GJA5: variants seen among roughly 807,000 people sequenced by gnomAD.
GJA5 encodes the protein gap junction protein alpha 5, also known as gap junction alpha-5 protein.
In GJA5, 3 loss-of-function variants were observed where a neutral mutation model predicts 7.9. The observed-to-expected ratio is 0.38, with a 90% CI of 0.17 to 0.99. The LOEUF (loss-of-function observed/expected upper bound fraction) is 0.99. GJA5 is among the 50% of genes least tolerant of loss of function. The probability of loss-of-function intolerance (pLI) is 0.38; values close to 1 mark genes in which losing one functional copy is unlikely to be tolerated. For missense variants in GJA5, 390 were observed against 457.9 expected, an observed-to-expected ratio of 0.85 and a Z score of 1.35; for synonymous variants, 193 against 181.0, an observed-to-expected ratio of 1.07 and a Z score of -0.53.
rs1663805418 is a variant in GJA5, at chr1:147,758,001, G to T, written c.*161C>A. Reference sequence around the variant, plus strand: ...ACCTCTCTTACTATCCCAGAGCCCTGGTTATAGTTTCTAGAATTAATGAGC... The same window carrying T: ...ACCTCTCTTACTATCCCAGAGCCCTTGTTATAGTTTCTAGAATTAATGAGC... On this transcript the variant is annotated 3_prime_UTR_variant, in exon 2 of 2. Transcript: ENST00000579774. 1.5e-6 allele frequency: 1 copy of T among 649,318 alleles called. No individual in the cohort carries two copies. The highest frequency in any genetic ancestry group is 2.7e-6 in the Non-Finnish European group (1 of 365,206). The allele number at this position is 649,318 out of a possible 1,614,324, so 40.2% of individuals were successfully genotyped here.
At position 147,768,817 on chromosome 1, in the gene GJA5, G is replaced by A. The variant is rs142237017; in HGVS notation, c.-34+4435C>T. On this transcript the variant is annotated intron_variant, in intron 1 of 1. Transcript: ENST00000430508. Reference sequence around the variant, plus strand: ...ACTGAGGCTCAGAGGCTAAGTACTTGTACTAAGTGCCACAACTGGCAAATG... The same window carrying A: ...ACTGAGGCTCAGAGGCTAAGTACTTATACTAAGTGCCACAACTGGCAAATG... 1.4e-4 allele frequency among the ~76,000 whole-genome samples: 22 copies of A among 152,302 alleles called. No homozygotes were observed. In the East Asian group the frequency reaches 3.9e-3, roughly 27 times the overall value.
chr1:147,761,111 T>A (rs967268069), upstream of GJA5, among the ~76,000 whole-genome samples: 1 of 152,150 alleles, frequency 6.6e-6, no homozygotes, highest in African/African-American at 2.4e-5. Flanking sequence ...CTCTTGAGGC[T>A]CCCTACCTCC....
Position 147,758,124 on chromosome 1 carries a change from T to G in GJA5, c.*38A>C. On this transcript the variant is annotated 3_prime_UTR_variant, in exon 2 of 2. Transcript: ENST00000579774. ...CACGTCTTTCCTCTCTGAGCCTCCT[T>G]TGTTCCCACCTGGTCCTGATCCTCC... 1 of 1,383,232 alleles carries G rather than the reference T, an allele frequency of 7.2e-7. No homozygotes were observed. Among genetic ancestry groups the G allele is most frequent in the Non-Finnish European group, 1.0e-6 (1 of 969,234 alleles). 85.7% of individuals were successfully genotyped at this position (1,383,232 alleles called of 1,614,324 possible).
At chr1:147,761,216 G>C (rs1420870772), upstream of GJA5, among the ~76,000 whole-genome samples, 1 of 152,204 alleles carries the variant, frequency 6.6e-6, no homozygotes, top group Non-Finnish European at 1.5e-5. Flanking sequence ...AGGGAATGGA[G>C]CATAAATATT....
chr1:147,764,071 A>G (rs1557947015), upstream of GJA5, among the ~76,000 whole-genome samples: 1 of 152,108 alleles, frequency 6.6e-6, no homozygotes, highest in Non-Finnish European at 1.5e-5. Context: ...TTGGCCTCCC[A>G]AAGTGCTGGG....
In GJA5 at chr1:147,758,245, G is replaced by A. The variant is rs782175029; in HGVS notation, c.994C>T (p.Arg332Cys). ...TCACTATGATAGCCATGGGGAAGGCGGTGACCTGGTGAGACTCCATTGGGC... is the reference window on the plus strand; with the variant it reads ...TCACTATGATAGCCATGGGGAAGGCAGTGACCTGGTGAGACTCCATTGGGC... The part of the protein sequence containing the change: ...EVPNGVSPGH[R>C]LPHGYHSDKR... The change falls in exon 2 of 2, where the codon CGC becomes TGC. Residue 332 changes from arginine (R) to cysteine (C), a missense_variant. Arg to Cys is a radical substitution (Grantham distance 180). This residue lies in a region of GJA5 where 354 missense variants were observed against 370.9 expected (regional missense o/e 0.95). Transcript: ENST00000579774. 9 of 1,614,126 alleles carry A rather than the reference G, an allele frequency of 5.6e-6. No homozygotes were observed. The East Asian group carries it at 8.9e-5, about 16-fold the overall frequency.
chr1:147,759,005 C>A lies in GJA5; in HGVS notation c.234G>T (p.Trp78Cys). 6.2e-7 allele frequency: 1 copy of A among 1,614,174 alleles called. No individual in the cohort carries two copies. Among genetic ancestry groups the A allele is most frequent in the Non-Finnish European group, 8.5e-7 (1 of 1,180,016 alleles). ...QAFPISHIRY[W>C]VLQIIFVSTP... ...TGGAGACGAAGATGATCTGCAGCAC[C>A]CAGTAGCGAATGTGGGAGATGGGGA... The change falls in exon 2 of 2, where the codon TGG becomes TGT. Residue 78 changes from tryptophan (W) to cysteine (C), a missense_variant. By Grantham distance (215) the Trp-to-Cys change is radical. This residue lies in a region of GJA5 where 354 missense variants were observed against 370.9 expected (regional missense o/e 0.95). Coordinates refer to ENST00000579774, the MANE Select transcript of GJA5 (RefSeq NM_181703.4).
chr1:147,759,931 T>C (rs1318066558), intron 1 of GJA5, among the ~76,000 whole-genome samples: 2 of 152,062 alleles, frequency 1.3e-5, no homozygotes, highest in African/African-American at 2.4e-5. Context: ...AGAGTGAGGA[T>C]GGGATTGGCA....
chr1:147,771,209 C>T (rs1343470871), intron 1 of GJA5, among the ~76,000 whole-genome samples: 4 of 152,110 alleles, frequency 2.6e-5, no homozygotes, highest in Admixed American at 6.5e-5. Context: ...CTGTGCCCCA[C>T]GAACAGCCAG....
At chr1:147,766,226 A>G (rs1664197605) in intron 1 of GJA5, among the ~76,000 whole-genome samples, 1 of 152,008 alleles carries the variant, frequency 6.6e-6, no homozygotes, top group South Asian at 2.1e-4. Flanking sequence ...TCATCATTGT[A>G]TTATCCTCCT....
chr1:147,766,383 A>T (rs1664203116), intron 1 of GJA5, among the ~76,000 whole-genome samples: 1 of 152,170 alleles, frequency 6.6e-6, no homozygotes, highest in South Asian at 2.1e-4. Context: ...GCAATTATTT[A>T]CCGGTTGCTG....
chr1:147,763,751 T>C (rs1207027057), upstream of GJA5, among the ~76,000 whole-genome samples: 1 of 152,228 alleles, frequency 6.6e-6, no homozygotes, highest in Non-Finnish European at 1.5e-5. Flanking sequence ...TTTTATTTCA[T>C]GTACTGTATG....
rs782546377 is a variant in GJA5 at position 147,758,892 on chromosome 1, T to G, written c.347A>C (p.Glu116Ala). The G allele has an allele frequency of 1.9e-6, 3 of 1,614,206 alleles. No homozygotes were observed. The highest frequency in any genetic ancestry group is 2.5e-6 in the Non-Finnish European group (3 of 1,180,020). The change falls in exon 2 of 2, where the codon GAG (glutamate) becomes GCG (alanine). Residue 116 changes from glutamate to alanine, a missense_variant. Transcript: ENST00000579774. The stretch of plus-strand genomic sequence containing the variant: ...CTCGTAAGAGCCAGAGCCCCGGACC[T>G]CTTTGGCCCTCTCGGCCTCCCGTAG... ...RKLREAERAK[E>A]VRGSGSYEYP...
At chr1:147,769,153 C>T (rs140139625) in intron 1 of GJA5, among the ~76,000 whole-genome samples, 21 of 152,358 alleles carry the variant, frequency 1.4e-4, no homozygotes, top group African/African-American at 4.1e-4. Context: ...CCAGACTCTT[C>T]GGCCTCTGCC....
At chr1:147,768,633 T>G (rs975022807) in intron 1 of GJA5, among the ~76,000 whole-genome samples, 26 of 152,340 alleles carry the variant, frequency 1.7e-4, no homozygotes, top group African/African-American at 6.3e-4. Context: ...AACTCCTTAT[T>G]TTTAAACAAG....
rs1166031226 is a variant in GJA5 at position 147,773,109 on chromosome 1, A to T, written c.-34+143T>A. On this transcript the variant is annotated intron_variant, in intron 1 of 1. Coordinates refer to the GJA5 transcript ENST00000430508. Reference sequence around the variant, plus strand: ...TATATCCATACCTCACTATCACAGGAAATAGCGGGAGGGGTAAGGAATAAA... The same window carrying T: ...TATATCCATACCTCACTATCACAGGTAATAGCGGGAGGGGTAAGGAATAAA... 3 of 152,186 alleles carry T rather than the reference A, an allele frequency of 2.0e-5. No homozygotes were observed. In the East Asian group the frequency reaches 5.8e-4, roughly 29 times the overall value. The allele number at this position is 152,186 out of a possible 1,614,324, so 9.4% of individuals were successfully genotyped here. A position where few individuals can be genotyped will look rare whatever the true frequency, so the allele number is the denominator to read the frequency against.
rs972468892 is a variant in GJA5 at position 147,757,231 on chromosome 1, C to T, written c.*931G>A. The T allele has an allele frequency of 6.6e-6, 1 of 152,188 alleles. No individual in the cohort carries two copies. The highest frequency in any genetic ancestry group is 6.5e-5 in the Admixed American group (1 of 15,286). 9.4% of individuals were successfully genotyped at this position (152,188 alleles called of 1,614,324 possible). ...TCCACTGGCCTCAGTGGCTGATGAT[C>T]TGGTCAGGGTTCGAGAGAGGACAAC... On this transcript the variant is annotated 3_prime_UTR_variant, in exon 2 of 2. Transcript: ENST00000579774.
chr1:147,764,823 C>CAAAA (rs10622801), upstream of GJA5, among the ~76,000 whole-genome samples: 17 of 125,616 alleles, frequency 1.4e-4, no homozygotes, highest in African/African-American at 4.8e-4. Flanking sequence ...GACTCCGTCT[C>CAAAA]AAAAAAAAAA....
At position 147,758,713 on chromosome 1, in the gene GJA5, C is replaced by G; in HGVS notation, c.526G>C (p.Gly176Arg). 1 of 1,614,156 alleles carries G rather than the reference C, an allele frequency of 6.2e-7. No homozygotes were observed. Among genetic ancestry groups the G allele is most frequent in the Non-Finnish European group, 8.5e-7 (1 of 1,180,034 alleles). The change falls in exon 2 of 2, where the codon GGA becomes CGA. Residue 176 changes from glycine to arginine, a missense_variant. Transcript: ENST00000579774. ...ACATGCAGGGTGGTCAGGAAGATTC[C>G]GTAGATGAAGTACTGGCCCACAATG... ...GFIVGQYFIY[G>R]IFLTTLHVCR...
Sources: gnomAD v4.1 joint callset for allele counts (sites outside exome capture counted in the v4.1 genomes callset) on GRCh38, gnomAD v4.1.1 for gene constraint, gnomAD v4.1.1 regional missense constraint, MANE v1.5 for transcripts, NCBI Gene and HGNC (gene_info 2026-07-23, HGNC 2026-07-21) for gene names.